The following CXCL13 variants were observed in gnomAD, a reference collection of about 807,000 sequenced individuals.
CXCL13 encodes the protein C-X-C motif chemokine ligand 13.
In CXCL13, 7 loss-of-function variants were observed where a neutral mutation model predicts 12.2. That is an observed-to-expected ratio of 0.57 (90% CI 0.33 to 1.07). CXCL13 has a LOEUF of 1.07. Among genes scored for constraint, CXCL13 ranks in the 50% least tolerant of loss-of-function variants. CXCL13 has a pLI of 0.04. For missense variants in CXCL13, 113 were observed against 127.4 expected (o/e 0.89, Z 0.55); for synonymous variants, 47 against 42.4 (o/e 1.11, Z -0.42).
At chr4:77,585,278 C>A (rs994985715) in intron 1 of CXCL13, among the ~76,000 whole-genome samples, 3 of 152,164 alleles carry the variant, frequency 2.0e-5, no homozygotes, top group African/African-American at 7.2e-5. Flanking sequence ...GGTATGGATG[C>A]ACAGGAGCAG....
intron 1 of CXCL13, among the ~76,000 whole-genome samples, chr4:77,549,298 G>A (rs1294622442): frequency 3.9e-5 from 6 of 152,086 alleles, no homozygotes; most frequent in African/African-American, 9.7e-5. Flanking sequence ...CCTTTAGCTC[G>A]GAGAAGTTTA....
intron 1 of CXCL13, among the ~76,000 whole-genome samples, chr4:77,518,868 C>T (rs1724499596): frequency 1.3e-5 from 2 of 152,220 alleles, no homozygotes; most frequent in African/African-American, 2.4e-5. Flanking sequence ...GAGAGGTGCT[C>T]TGCTTTTTAG....
intron 1 of CXCL13, among the ~76,000 whole-genome samples, chr4:77,559,285 G>A (rs916691974): frequency 6.6e-6 from 1 of 152,150 alleles, no homozygotes; most frequent in African/African-American, 2.4e-5. Flanking sequence ...GAAGGAGACT[G>A]GGCAGAGGAA....
intron 1 of CXCL13, among the ~76,000 whole-genome samples, chr4:77,531,539 A>T (rs186759057): frequency 6.6e-6 from 1 of 151,968 alleles, no homozygotes; most frequent in African/African-American, 2.4e-5. Context: ...TGGGATGGAG[A>T]GTTCTGTAGG....
At chr4:77,513,455 C>A (rs993159197) in intron 1 of CXCL13, among the ~76,000 whole-genome samples, 3 of 144,736 alleles carry the variant, frequency 2.1e-5, no homozygotes, top group Non-Finnish European at 3.0e-5. Context: ...TGTTTCCTGA[C>A]TTTTTTTTTT....
chr4:77,530,642 G>T (rs1230606483), intron 1 of CXCL13, among the ~76,000 whole-genome samples: 1 of 151,988 alleles, frequency 6.6e-6, no homozygotes, highest in Non-Finnish European at 1.5e-5. Flanking sequence ...ATTTTTTATT[G>T]CATCTATTTG....
At chr4:77,591,311 G>A (rs1396296720) in intron 1 of CXCL13, among the ~76,000 whole-genome samples, 1 of 151,934 alleles carries the variant, frequency 6.6e-6, no homozygotes, top group Non-Finnish European at 1.5e-5. Context: ...CAGCACCTTG[G>A]GAGGCCAAGT....
intron 1 of CXCL13, among the ~76,000 whole-genome samples, chr4:77,590,975 G>A (rs1260264703): frequency 6.6e-6 from 1 of 152,102 alleles, no homozygotes; most frequent in Admixed American, 6.5e-5. Flanking sequence ...TGCCTCCTGG[G>A]TTCAAGTGAT....
intron 1 of CXCL13, among the ~76,000 whole-genome samples, chr4:77,582,900 C>T (rs1441909329): frequency 2.0e-5 from 3 of 152,134 alleles, no homozygotes; most frequent in African/African-American, 7.2e-5. Context: ...ACTTTTGGAA[C>T]ACCAACCAAA....
At chr4:77,568,972 A>G (rs1726002797) in intron 1 of CXCL13, among the ~76,000 whole-genome samples, 1 of 152,238 alleles carries the variant, frequency 6.6e-6, no homozygotes, top group Non-Finnish European at 1.5e-5. Context: ...AAAGACTTAG[A>G]AAAACTTCTA....
intron 1 of CXCL13, among the ~76,000 whole-genome samples, chr4:77,526,091 C>G (rs1422005171): frequency 1.3e-5 from 2 of 151,832 alleles, no homozygotes; most frequent in African/African-American, 2.4e-5. Context: ...GAGAAGACTG[C>G]AGAAGGTAGC....
At chr4:77,580,184 G>C (rs1726285487) in intron 1 of CXCL13, among the ~76,000 whole-genome samples, 1 of 151,496 alleles carries the variant, frequency 6.6e-6, no homozygotes, top group Non-Finnish European at 1.5e-5. Context: ...TAAAAGCCCT[G>C]ACTTGACTGC....
chr4:77,553,730 CAA>C (rs1725587742), intron 1 of CXCL13, among the ~76,000 whole-genome samples: 1 of 152,158 alleles, frequency 6.6e-6, no homozygotes, highest in African/African-American at 2.4e-5. Context: ...AAATGAAGCT[CAA>C]AGAGTTGATC....
intron 1 of CXCL13, among the ~76,000 whole-genome samples, chr4:77,571,597 A>G (rs918928579): frequency 4.0e-5 from 6 of 151,750 alleles, no homozygotes; most frequent in Non-Finnish European, 8.8e-5. Context: ...GGACGTGGAG[A>G]ACCTTTGTAT....
intron 1 of CXCL13, among the ~76,000 whole-genome samples, chr4:77,534,954 A>T (rs2109797202): frequency 6.6e-6 from 1 of 152,372 alleles, no homozygotes; most frequent in Admixed American, 6.5e-5. Flanking sequence ...TTACAACAAA[A>T]GAAGTAAATT....
At chr4:77,581,044 T>C (rs1469158189) in intron 1 of CXCL13, among the ~76,000 whole-genome samples, 2 of 152,052 alleles carry the variant, frequency 1.3e-5, no homozygotes, top group African/African-American at 2.4e-5. Flanking sequence ...AAATACAGAA[T>C]AAGCAAATGT....
rs193216822 is a variant in CXCL13, at chr4:77,513,642, C to T, written c.-43+1854C>T. Among the ~76,000 whole-genome samples the T allele has an allele frequency of 4.7e-3, 714 of 151,914 alleles. 7 individuals carry two copies. Among genetic ancestry groups the T allele is most frequent in the African/African-American group, 0.017 (687 of 41,452 alleles). ...AATTTTATTGTCTTTTTAGTAGAGT[C>T]GGGGTTTTACCATGTTAGCCAGGAT... On this transcript the variant is annotated intron_variant, in intron 1 of 4. Coordinates refer to the CXCL13 transcript ENST00000286758.
intron 1 of CXCL13, among the ~76,000 whole-genome samples, chr4:77,566,359 A>T (rs1285267930): frequency 2.0e-5 from 3 of 152,256 alleles, no homozygotes; most frequent in Non-Finnish European, 4.4e-5. Context: ...AAACCATTGC[A>T]CAAAACTTTG....
chr4:77,565,716 G>T (rs955764170), intron 1 of CXCL13, among the ~76,000 whole-genome samples: 1 of 152,094 alleles, frequency 6.6e-6, no homozygotes, highest in East Asian at 1.9e-4. Context: ...AGTAGTAAAA[G>T]GACCTAAATA....
Sources: gnomAD v4.1 joint callset for allele counts (sites outside exome capture counted in the v4.1 genomes callset) on GRCh38, gnomAD v4.1.1 for gene constraint, MANE v1.5 for transcripts, NCBI Gene and HGNC (gene_info 2026-07-23, HGNC 2026-07-21) for gene names.